Variants in RAB5B observed in about 807,000 individuals in gnomAD.
RAB5B encodes the protein RAB5B, member RAS oncogene family.
RAB5B carries 11 observed loss-of-function variants against 28.6 expected under a neutral mutation model. The ratio of observed to expected loss-of-function variants is 0.38; its 90% CI spans 0.24 to 0.64. RAB5B has a LOEUF of 0.64. RAB5B is among the 30% of genes least tolerant of loss of function. The probability of loss-of-function intolerance (pLI) is 0.53; values close to 1 mark genes in which losing one functional copy is unlikely to be tolerated. For synonymous variants in RAB5B, 93 were observed against 97.9 expected (o/e 0.95, Z 0.29); for missense variants, 169 against 265.6 (o/e 0.64, Z 2.53).
intron 2 of RAB5B, 40 bp downstream of exon 2, chr12:55,987,163 A>C: frequency 1.3e-6 from 2 of 1,547,708 alleles, no homozygotes; most frequent in Non-Finnish European, 1.8e-6. Context: ...ATGTTTGGTA[A>C]GGGTTTTTTT....
intron 1 of RAB5B, chr12:55,980,911 G>A (rs773109): frequency 0.3 from 484,411 of 1,612,488 alleles, 76,377 homozygotes; most frequent in Non-Finnish European, 0.33. Flanking sequence ...AATCAATTCC[G>A]ATGGTGGAGA....
In RAB5B at chr12:55,995,780, AG is replaced by A. The variant is rs1890271079; in HGVS notation, c.*3570del. The A allele has an allele frequency of 6.6e-6, 1 of 152,074 alleles. No individual in the cohort carries two copies. Among genetic ancestry groups the A allele is most frequent in the South Asian group, 2.1e-4 (1 of 4,822 alleles). 9.4% of individuals were successfully genotyped at this position (152,074 alleles called of 1,614,324 possible). On this transcript the variant is annotated 3_prime_UTR_variant, in exon 6 of 6. Coordinates refer to ENST00000360299, the MANE Select transcript of RAB5B (RefSeq NM_002868.4). ...TCTGTAAAGTAAAAGCTGAAGATTAAGGTCAATTATGTAAAGTATGTGTGTC... is the reference window on the plus strand; with the variant it reads ...TCTGTAAAGTAAAAGCTGAAGATTAAGTCAATTATGTAAAGTATGTGTGTC...
chr12:55,981,016 G>T (rs891416191), intron 1 of RAB5B: 1 of 1,614,036 alleles, frequency 6.2e-7, no homozygotes, highest in Non-Finnish European at 8.5e-7. Flanking sequence ...TGAAGAGGTG[G>T]TCGTAGGCTT....
At position 55,995,022 on chromosome 12, in the gene RAB5B, T is replaced by A. The variant is rs1444704167; in HGVS notation, c.*2810T>A. On this transcript the variant is annotated 3_prime_UTR_variant, in exon 6 of 6. Transcript: ENST00000360299. ...ATATGTGTAGGGTATGGTCTGTGGA[T>A]CTTTGGGCCCACTGATCAGATTAGA... is the stretch of plus-strand genomic sequence containing the variant. 6.6e-6 allele frequency: 1 copy of A among 152,070 alleles called. No individual in the cohort carries two copies. Among genetic ancestry groups the A allele is most frequent in the Non-Finnish European group, 1.5e-5 (1 of 68,020 alleles). The allele number at this position is 152,070 out of a possible 1,614,324, so 9.4% of individuals were successfully genotyped here. A position where few individuals can be genotyped will look rare whatever the true frequency, so the allele number is the denominator to read the frequency against.
chr12:55,983,654 CTT>C (rs34363943), intron 1 of RAB5B, among the ~76,000 whole-genome samples: 9,180 of 121,550 alleles, frequency 0.076, 360 homozygotes, highest in Non-Finnish European at 0.084. Flanking sequence ...GTTATGTCTC[CTT>C]TTTTTTTTTT....
At position 55,986,910 on chromosome 12, in the gene RAB5B, C is replaced by T. The variant is rs1363759035; in HGVS notation, c.-51C>T. Reference sequence around the variant, plus strand: ...AAATCCCCTCCCCTTCCCCCTCCCCCCTTTACAGTATCCCCCTCCCTCCAC... The same window carrying T: ...AAATCCCCTCCCCTTCCCCCTCCCCTCTTTACAGTATCCCCCTCCCTCCAC... On this transcript the variant is annotated 5_prime_UTR_variant, in exon 2 of 6. Coordinates refer to ENST00000360299, the MANE Select transcript of RAB5B (RefSeq NM_002868.4). 2.0e-5 allele frequency: 13 copies of T among 652,834 alleles called. No individual in the cohort carries two copies. Among genetic ancestry groups the T allele is most frequent in the Admixed American group, 6.2e-5 (3 of 48,184 alleles). The allele number at this position is 652,834 out of a possible 1,614,324, so 40.4% of individuals were successfully genotyped here.
intron 1 of RAB5B, among the ~76,000 whole-genome samples, chr12:55,984,690 G>A (rs1889906346): frequency 6.6e-6 from 1 of 152,058 alleles, no homozygotes; most frequent in Non-Finnish European, 1.5e-5. Flanking sequence ...ATGTTGGCCA[G>A]GCAGGGCTCG....
rs1319589548 is a variant in RAB5B at position 55,992,120 on chromosome 12, C to A, written c.556C>A (p.Pro186Thr). Reference sequence around the variant, plus strand: ...AGCTAAGAAGTTGCCAAAGAGTGAACCCCAGAATCTGGGAGGTGCAGCAGG... The same window carrying A: ...AGCTAAGAAGTTGCCAAAGAGTGAAACCCAGAATCTGGGAGGTGCAGCAGG... ...AIAKKLPKSEPQNLGGAAGRS... is the reference protein window; with the variant it reads ...AIAKKLPKSETQNLGGAAGRS... The change falls in exon 6 of 6, where the codon CCC becomes ACC. Residue 186 changes from proline to threonine, a missense_variant. Physicochemically the swap from Pro to Thr is conservative, Grantham distance 38. Transcript: ENST00000360299. 1 of 1,613,934 alleles carries A rather than the reference C, an allele frequency of 6.2e-7. No homozygotes were observed. The highest frequency in any genetic ancestry group is 8.5e-7 in the Non-Finnish European group (1 of 1,179,984).
At chr12:55,980,510 C>G in intron 1 of RAB5B, 1 of 1,588,118 alleles carries the variant, frequency 6.3e-7, no homozygotes, top group Non-Finnish European at 8.6e-7. Context: ...TGATCTCCGG[C>G]CTCCTGACTT....
intron 1 of RAB5B, among the ~76,000 whole-genome samples, chr12:55,985,378 A>T (rs1889924422): frequency 6.6e-6 from 1 of 152,222 alleles, no homozygotes; most frequent in Admixed American, 6.5e-5. Context: ...AGTCACTAGG[A>T]TCTGCTTTGG....
intron 1 of RAB5B, among the ~76,000 whole-genome samples, 172 bp from the exon 2 acceptor site, chr12:55,986,697 A>G (rs544649502): frequency 6.2e-4 from 95 of 152,300 alleles, no homozygotes; most frequent in Non-Finnish European, 9.8e-4. Flanking sequence ...CTCCAGAAGC[A>G]GTTCTTATTT....
In RAB5B at chr12:55,992,245, A is replaced by G; in HGVS notation, c.*33A>G. 1 of 1,533,890 alleles carries G rather than the reference A, an allele frequency of 6.5e-7. No homozygotes were observed. On this transcript the variant is annotated 3_prime_UTR_variant, in exon 6 of 6. Coordinates refer to ENST00000360299, the MANE Select transcript of RAB5B (RefSeq NM_002868.4). Reference sequence around the variant, plus strand: ...GCTAGCAGCAAACAAGTATGGAGCTAGCACAAGAGCTAAGAAATAACCTCC... The same window carrying G: ...GCTAGCAGCAAACAAGTATGGAGCTGGCACAAGAGCTAAGAAATAACCTCC...
chr12:55,985,757 A>G (rs1393521145), intron 1 of RAB5B: 1 of 456,026 alleles, frequency 2.2e-6, no homozygotes, highest in African/African-American at 2.0e-5. Context: ...TTGGAGGGCT[A>G]CAGCTGTTAG....
upstream of RAB5B, chr12:55,973,985 T>TAG (rs1421961767): frequency 6.6e-6 from 1 of 152,358 alleles, no homozygotes; most frequent in Non-Finnish European, 1.5e-5. Flanking sequence ...AGTGCACATA[T>TAG]AGCCCACCCT....
intron 1 of RAB5B, among the ~76,000 whole-genome samples, chr12:55,982,949 A>G (rs946813140): frequency 4.6e-5 from 7 of 152,224 alleles, no homozygotes; most frequent in Non-Finnish European, 1.0e-4. Flanking sequence ...TAAGGGAGTA[A>G]GTTGAAAAAA....
chr12:55,980,447 T>C (rs984087468), intron 1 of RAB5B: 1 of 1,590,362 alleles, frequency 6.3e-7, no homozygotes. Context: ...CTTGTTGGTG[T>C]TCTTTATGTC....
intron 5 of RAB5B, 164 bp downstream of exon 5, chr12:55,991,617 G>A: frequency 1.7e-6 from 1 of 584,578 alleles, no homozygotes; most frequent in African/African-American, 1.9e-5. Flanking sequence ...TGCAGCTTTA[G>A]CTCCCTTGTC....
intron 1 of RAB5B, among the ~76,000 whole-genome samples, chr12:55,983,686 G>A (rs1424436450): frequency 3.8e-5 from 5 of 133,278 alleles, no homozygotes; most frequent in East Asian, 4.2e-4. Context: ...CAGAGATAGC[G>A]TCTTGTTCTG....
intron 1 of RAB5B, among the ~76,000 whole-genome samples, chr12:55,983,900 G>C (rs1056207494): frequency 6.6e-6 from 1 of 151,824 alleles, no homozygotes; most frequent in Non-Finnish European, 1.5e-5. Flanking sequence ...CCTCAAGCAA[G>C]GCTTCCCCTT....
Sources: gnomAD v4.1 joint callset for allele counts (sites outside exome capture counted in the v4.1 genomes callset) on GRCh38, gnomAD v4.1.1 for gene constraint, MANE v1.5 for transcripts, NCBI Gene and HGNC (gene_info 2026-07-23, HGNC 2026-07-21) for gene names.